The following NOS1AP variants were observed in gnomAD, a reference collection of about 807,000 sequenced individuals.
NOS1AP encodes the protein carboxyl-terminal PDZ ligand of neuronal nitric oxide synthase protein.
In NOS1AP, 21 loss-of-function variants were observed where a neutral mutation model predicts 56.2. That is an observed-to-expected ratio of 0.37 (90% CI 0.26 to 0.54). NOS1AP has a LOEUF of 0.54. NOS1AP is among the 20% of genes least tolerant of loss of function. The pLI is 0.84. For missense variants in NOS1AP, 522 were observed against 657.8 expected (o/e 0.79, Z 2.26); for synonymous variants, 270 against 274.6 (o/e 0.98, Z 0.17).
At chr1:162,365,719 T>A in intron 9 of NOS1AP, 150 bp downstream of exon 9, 1 of 955,020 alleles carries the variant, frequency 1.0e-6, no homozygotes, top group Non-Finnish European at 1.6e-6. Context: ...TTCCCATTAG[T>A]ATACTTAATG....
At position 162,204,673 on chromosome 1, in the gene NOS1AP, A is replaced by G. The variant is rs117453768; in HGVS notation, c.177+50197A>G. 5.9e-5 allele frequency among the ~76,000 whole-genome samples: 9 copies of G among 152,332 alleles called. No homozygotes were observed. The East Asian group carries it at 1.5e-3, about 26-fold the overall frequency. ...CTCTTGTCATATAGTGTGGAGTCCTAGCTTTTGATCAGTGCAGCTGCTGCC... is the reference window on the plus strand; with the variant it reads ...CTCTTGTCATATAGTGTGGAGTCCTGGCTTTTGATCAGTGCAGCTGCTGCC... On this transcript the variant is annotated intron_variant, in intron 2 of 9. Coordinates refer to ENST00000361897, the MANE Select transcript of NOS1AP (RefSeq NM_014697.3).
intron 5 of NOS1AP, among the ~76,000 whole-genome samples, chr1:162,343,570 A>G (rs1485996063): frequency 2.0e-5 from 3 of 152,224 alleles, no homozygotes; most frequent in African/African-American, 7.2e-5. Context: ...TCTGTTACAC[A>G]TGGGAGGGAA....
At chr1:162,162,120 G>A (rs893932964) in intron 2 of NOS1AP, among the ~76,000 whole-genome samples, 5 of 152,172 alleles carry the variant, frequency 3.3e-5, no homozygotes, top group East Asian at 1.9e-4. Flanking sequence ...TGGAAGGGCC[G>A]TTGTCTGCCT....
At chr1:162,099,775 C>G (rs1692337171) in intron 1 of NOS1AP, among the ~76,000 whole-genome samples, 1 of 152,068 alleles carries the variant, frequency 6.6e-6, no homozygotes, top group Admixed American at 6.5e-5. Flanking sequence ...AATGCTATCC[C>G]TCCCCACTCC....
chr1:162,301,520 C>T (rs2101754650), intron 4 of NOS1AP, among the ~76,000 whole-genome samples: 1 of 152,314 alleles, frequency 6.6e-6, no homozygotes, highest in Admixed American at 6.5e-5. Context: ...AACACACAAC[C>T]AGAAATTGCT....
At chr1:162,284,245 T>A (rs1395826484) in intron 2 of NOS1AP, among the ~76,000 whole-genome samples, 1 of 152,258 alleles carries the variant, frequency 6.6e-6, no homozygotes, top group Non-Finnish European at 1.5e-5. Context: ...GGCTTAATGA[T>A]AATAAATATT....
chr1:162,100,659 C>T (rs4430307), intron 1 of NOS1AP, among the ~76,000 whole-genome samples: 147,498 of 152,148 alleles, frequency 0.97, 71,664 homozygotes, highest in East Asian at 1. Flanking sequence ...TTGTCAATTT[C>T]GGCTTTTGTT....
intron 1 of NOS1AP, among the ~76,000 whole-genome samples, chr1:162,074,046 A>G (rs1291363335): frequency 6.6e-6 from 1 of 152,214 alleles, no homozygotes; most frequent in East Asian, 1.9e-4. Context: ...TATTAATAAT[A>G]GTTATATCTT....
At position 162,154,733 on chromosome 1, in the gene NOS1AP, C is replaced by T. The variant is rs562807777; in HGVS notation, c.177+257C>T. On this transcript the variant is annotated intron_variant, in intron 2 of 9. Transcript: ENST00000361897. ...ACCTGTAGCTCCTCAAACTGAGATACATGTTACCTTGATGATGTGTGGTGA... is the reference window on the plus strand; with the variant it reads ...ACCTGTAGCTCCTCAAACTGAGATATATGTTACCTTGATGATGTGTGGTGA... Among the ~76,000 whole-genome samples the T allele has an allele frequency of 5.9e-5, 9 of 152,306 alleles. 2 individuals carry two copies. The highest frequency in any genetic ancestry group is 2.2e-4 in the African/African-American group (9 of 41,564).
At chr1:162,227,666 C>T (rs894883844) in intron 2 of NOS1AP, among the ~76,000 whole-genome samples, 5 of 152,116 alleles carry the variant, frequency 3.3e-5, no homozygotes, top group Non-Finnish European at 5.9e-5. Context: ...TTTTGTTGTC[C>T]GTTCTAGAGA....
At chr1:162,366,124 G>A (rs1227482041) in intron 9 of NOS1AP, among the ~76,000 whole-genome samples, 1 of 152,200 alleles carries the variant, frequency 6.6e-6, no homozygotes, top group Non-Finnish European at 1.5e-5. Context: ...GCCCCTGCTT[G>A]AGAAGCTGTC....
chr1:162,180,904 C>A (rs1382121658), intron 2 of NOS1AP, among the ~76,000 whole-genome samples: 3 of 152,182 alleles, frequency 2.0e-5, no homozygotes, highest in Admixed American at 2.0e-4. Context: ...AAGTTTGTGG[C>A]CATTATTATG....
In NOS1AP at chr1:162,370,191, T is replaced by C. The variant is rs1207349531; in HGVS notation, c.*2724T>C. On this transcript the variant is annotated 3_prime_UTR_variant, in exon 10 of 10. Coordinates refer to ENST00000361897, the MANE Select transcript of NOS1AP (RefSeq NM_014697.3). ...TGTATATTGAGATTAAAAATTATAT[T>C]CCTTATATTCCTGCTTATATCAATG... 1 of 152,168 alleles carries C rather than the reference T, an allele frequency of 6.6e-6. No individual in the cohort carries two copies. Among genetic ancestry groups the C allele is most frequent in the Non-Finnish European group, 1.5e-5 (1 of 68,042 alleles). The allele number at this position is 152,168 out of a possible 1,614,324, so 9.4% of individuals were successfully genotyped here.
At chr1:162,245,296 C>T (rs545066662) in intron 2 of NOS1AP, among the ~76,000 whole-genome samples, 1 of 152,270 alleles carries the variant, frequency 6.6e-6, no homozygotes, top group East Asian at 1.9e-4. Context: ...CATCATTAGT[C>T]TTAAGGAAAA....
intron 2 of NOS1AP, among the ~76,000 whole-genome samples, chr1:162,239,258 C>T (rs746093432): frequency 4.6e-5 from 7 of 152,142 alleles, no homozygotes; most frequent in Non-Finnish European, 5.9e-5. Flanking sequence ...CTAGGAGAGC[C>T]GAGGAAGCTC....
chr1:162,354,590 C>T (rs186608398), intron 6 of NOS1AP, among the ~76,000 whole-genome samples: 3 of 152,292 alleles, frequency 2.0e-5, no homozygotes, highest in East Asian at 1.9e-4. Context: ...TTCCTGCAGG[C>T]GTCTTCCTGG....
chr1:162,199,382 T>C (rs564428849), intron 2 of NOS1AP, among the ~76,000 whole-genome samples: 1 of 152,288 alleles, frequency 6.6e-6, no homozygotes, highest in East Asian at 1.9e-4. Flanking sequence ...TAAGGCTCCA[T>C]AGATGAAGTG....
chr1:162,193,797 C>A (rs947482000), intron 2 of NOS1AP, among the ~76,000 whole-genome samples: 4 of 152,180 alleles, frequency 2.6e-5, no homozygotes, highest in African/African-American at 9.7e-5. Flanking sequence ...AGCCTGAGAT[C>A]ACTCTTTTCT....
intron 2 of NOS1AP, among the ~76,000 whole-genome samples, chr1:162,156,066 G>GT (rs1284036440): frequency 6.6e-6 from 1 of 152,186 alleles, no homozygotes; most frequent in African/African-American, 2.4e-5. Flanking sequence ...GCTTGGGGCT[G>GT]TTTCTCTGAG....
Sources: gnomAD v4.1 joint callset for allele counts (sites outside exome capture counted in the v4.1 genomes callset) on GRCh38, gnomAD v4.1.1 for gene constraint, MANE v1.5 for transcripts, NCBI Gene and HGNC (gene_info 2026-07-23, HGNC 2026-07-21) for gene names.